CORO2B: variants seen among roughly 807,000 people sequenced by gnomAD.
CORO2B encodes the protein coronin-2B.
In CORO2B, 26 loss-of-function variants were observed where a neutral mutation model predicts 58.8. The observed-to-expected ratio is 0.44, with a 90% CI of 0.32 to 0.61. The LOEUF is 0.61. Among genes scored for constraint, CORO2B ranks in the 20% least tolerant of loss-of-function variants. CORO2B has a pLI of 0.04. For missense variants in CORO2B, 460 were observed against 645.1 expected (o/e 0.71, Z 3.11); for synonymous variants, 242 against 253.8 (o/e 0.95, Z 0.44).
chr15:68,725,356 G>A (rs532709941), intron 11 of CORO2B, among the ~76,000 whole-genome samples: 4 of 152,130 alleles, frequency 2.6e-5, no homozygotes, highest in Admixed American at 1.3e-4. Context: ...GCGACAAAGC[G>A]AGACTTTGTC....
chr15:68,705,934 T>A (rs898340773), intron 3 of CORO2B, among the ~76,000 whole-genome samples: 1 of 152,224 alleles, frequency 6.6e-6, no homozygotes, highest in Non-Finnish European at 1.5e-5. Flanking sequence ...TACGTGAGAC[T>A]GGAACCTGGG....
At position 68,645,294 on chromosome 15, in the gene CORO2B, C is replaced by T. The variant is rs760670062; in HGVS notation, c.150C>T (p.Thr50=). ...VHDNHFCAVN[T]RFLAIVTESA... ...ACAACCACTTCTGTGCCGTCAACAC[C>T]CGCTTCCTGGCCATCGTCACCGAGA... The change falls in exon 2 of 12, where the codon ACC becomes ACT. Residue 50 remains threonine (T), a synonymous_variant. Coordinates refer to ENST00000261861, the MANE Select transcript of CORO2B (RefSeq NM_006091.5). The surrounding 1 kb of genome is among the most constrained non-coding windows in gnomAD (Gnocchi z 4.5). The T allele has an allele frequency of 6.8e-6, 11 of 1,613,998 alleles. No homozygotes were observed. Among genetic ancestry groups the T allele is most frequent in the African/African-American group, 6.7e-5 (5 of 74,942 alleles).
At chr15:68,605,932 G>A (rs900113803) in intron 1 of CORO2B, among the ~76,000 whole-genome samples, 2 of 151,932 alleles carry the variant, frequency 1.3e-5, no homozygotes, top group African/African-American at 2.4e-5. Context: ...CACCATGTTG[G>A]TCAGGCAGGT....
At chr15:68,663,470 A>G (rs1902079123) in intron 2 of CORO2B, among the ~76,000 whole-genome samples, 1 of 152,252 alleles carries the variant, frequency 6.6e-6, no homozygotes, top group Non-Finnish European at 1.5e-5. Context: ...CAGGAAACAC[A>G]CACACATACA....
At chr15:68,627,205 TTA>T (rs1900706866) in intron 1 of CORO2B, among the ~76,000 whole-genome samples, 1 of 152,270 alleles carries the variant, frequency 6.6e-6, no homozygotes, top group East Asian at 1.9e-4. Flanking sequence ...TTGTTTTACT[TTA>T]TGTCTGTGTA....
intron 1 of CORO2B, among the ~76,000 whole-genome samples, chr15:68,580,153 G>T (rs796432568): frequency 2.0e-5 from 3 of 152,332 alleles, no homozygotes; most frequent in African/African-American, 7.2e-5. Context: ...TGATAATATG[G>T]GTCCTGGGTT....
At chr15:68,653,862 A>G (rs1257878930) in intron 2 of CORO2B, among the ~76,000 whole-genome samples, 1 of 1,260 alleles carries the variant, frequency 7.9e-4, no homozygotes, top group Non-Finnish European at 0.029. Flanking sequence ...TCCCCCAGGA[A>G]AAAAAAAAAA....
chr15:68,547,843 C>T, the CORO2B span, among the ~76,000 whole-genome samples: 1 of 152,132 alleles, frequency 6.6e-6, no homozygotes, highest in African/African-American at 2.4e-5. Context: ...ATCTTATGGA[C>T]TATTTCATTC....
chr15:68,635,031 C>G (rs927846829), intron 1 of CORO2B, among the ~76,000 whole-genome samples: 1 of 152,154 alleles, frequency 6.6e-6, no homozygotes, highest in African/African-American at 2.4e-5. Flanking sequence ...AAGTGGGGCC[C>G]GGGAGCCTGC....
chr15:68,573,684 A>G, the CORO2B span, among the ~76,000 whole-genome samples: 6 of 152,178 alleles, frequency 3.9e-5, no homozygotes, highest in African/African-American at 9.7e-5. Flanking sequence ...ACAGAGAAGG[A>G]GAGACCCGAA....
chr15:68,689,631 G>A (rs1462972046), intron 2 of CORO2B, among the ~76,000 whole-genome samples: 1 of 152,166 alleles, frequency 6.6e-6, no homozygotes, highest in Non-Finnish European at 1.5e-5. Context: ...AGGCTTCAGT[G>A]ACAGACAGGA....
At chr15:68,642,356 G>A (rs1176096188) in intron 1 of CORO2B, among the ~76,000 whole-genome samples, 1 of 151,918 alleles carries the variant, frequency 6.6e-6, no homozygotes, top group Non-Finnish European at 1.5e-5. Context: ...AGCCTGCGGT[G>A]ACGTCTGCAC....
chr15:68,713,632 C>T (rs1892968121), intron 5 of CORO2B, among the ~76,000 whole-genome samples: 1 of 152,178 alleles, frequency 6.6e-6, no homozygotes, highest in Admixed American at 6.5e-5. Context: ...CACATCACTC[C>T]AGTCTCTGCC....
Position 68,726,312 on chromosome 15 carries a change from C to T in CORO2B, c.*338C>T. 1 of 326,566 alleles carries T rather than the reference C, an allele frequency of 3.1e-6. No individual in the cohort carries two copies. Among genetic ancestry groups the T allele is most frequent in the South Asian group, 2.7e-5 (1 of 36,752 alleles). 20.2% of individuals were successfully genotyped at this position (326,566 alleles called of 1,614,324 possible). On this transcript the variant is annotated 3_prime_UTR_variant, in exon 12 of 12. Coordinates refer to ENST00000261861, the MANE Select transcript of CORO2B (RefSeq NM_006091.5). ...GGAAGCAAGAGGGGAAGCGGGATCCCAGCTAGACTTAGAACTTGGACTTTT... is the reference window on the plus strand; with the variant it reads ...GGAAGCAAGAGGGGAAGCGGGATCCTAGCTAGACTTAGAACTTGGACTTTT...
chr15:68,574,306 T>G (rs977360458), upstream of CORO2B, among the ~76,000 whole-genome samples: 1 of 152,132 alleles, frequency 6.6e-6, no homozygotes, highest in Non-Finnish European at 1.5e-5. Context: ...TGGGGTGGCA[T>G]AAGCGAGGCA....
chr15:68,622,785 A>G (rs1221002441), intron 1 of CORO2B, among the ~76,000 whole-genome samples: 3 of 152,312 alleles, frequency 2.0e-5, no homozygotes, highest in East Asian at 3.9e-4. Context: ...CTCAGAGTTT[A>G]CAGTTTTGTT....
intron 2 of CORO2B, among the ~76,000 whole-genome samples, chr15:68,655,518 A>G (rs531686823): frequency 6.6e-6 from 1 of 152,256 alleles, no homozygotes; most frequent in South Asian, 2.1e-4. Flanking sequence ...CAAAAAGGAG[A>G]AGTGTCTTAT....
the CORO2B span, among the ~76,000 whole-genome samples, chr15:68,548,030 G>T: frequency 6.6e-6 from 1 of 151,982 alleles, no homozygotes; most frequent in Admixed American, 6.6e-5. Flanking sequence ...AATTAGCCTG[G>T]CATGGTGGTG....
the CORO2B span, among the ~76,000 whole-genome samples, chr15:68,554,822 A>G: frequency 6.6e-6 from 1 of 152,204 alleles, no homozygotes; most frequent in East Asian, 1.9e-4. Context: ...GTCAAACTCC[A>G]GGGCTGCAGG....
Sources: gnomAD v4.1 joint callset for allele counts (sites outside exome capture counted in the v4.1 genomes callset) on GRCh38, gnomAD v4.1.1 for gene constraint, Gnocchi (gnomAD v3.1) non-coding constraint, MANE v1.5 for transcripts, NCBI Gene and HGNC (gene_info 2026-07-23, HGNC 2026-07-21) for gene names.